Variants in PARD3 observed in about 807,000 individuals in gnomAD.
PARD3 encodes partitioning defective 3 homolog.
In PARD3, 75 loss-of-function variants were observed where a neutral mutation model predicts 155.4. That is an observed-to-expected ratio of 0.48 (90% CI 0.40 to 0.58). The LOEUF (loss-of-function observed/expected upper bound fraction) is 0.58. PARD3 is among the 20% of genes least tolerant of loss of function. The pLI is 0.00. For missense variants in PARD3, 1,642 were observed against 1,721.7 expected (o/e 0.95, Z 0.82); for synonymous variants, 576 against 610.5 (o/e 0.94, Z 0.83).
rs80170597 is a variant in PARD3 at position 34,700,446 on chromosome 10, G to A, written c.121-4027C>T. Among the ~76,000 whole-genome samples, 487 of 152,288 alleles carry A rather than the reference G, an allele frequency of 3.2e-3. 2 individuals carry two copies. Among genetic ancestry groups the A allele is most frequent in the African/African-American group, 0.011 (450 of 41,548 alleles). Reference sequence around the variant, plus strand: ...ATGACATGTATAATGCATAGGCTCCGCATATTACCCACATGTGCAAATTTC... The same window carrying A: ...ATGACATGTATAATGCATAGGCTCCACATATTACCCACATGTGCAAATTTC... On this transcript the variant is annotated intron_variant, in intron 1 of 24. Coordinates refer to ENST00000374788, the MANE Select transcript of PARD3 (RefSeq NM_001184785.2).
intron 2 of PARD3, among the ~76,000 whole-genome samples, chr10:34,595,648 G>GT (rs1333673704): frequency 1.3e-5 from 2 of 152,074 alleles, no homozygotes; most frequent in African/African-American, 4.8e-5. Flanking sequence ...AAAGAATAAA[G>GT]TTTCTGTATG....
rs551114975 is a variant in PARD3 at position 34,373,895 on chromosome 10, A to T, written c.1668+979T>A. ...AATATAGTTATTTTTATCATAACAC[A>T]TCCATACTTGAAGACACAAGAGAAT... is the stretch of plus-strand genomic sequence containing the variant. On this transcript the variant is annotated intron_variant, in intron 11 of 24. Transcript: ENST00000374788. Among the ~76,000 whole-genome samples the T allele has an allele frequency of 1.7e-3, 255 of 152,142 alleles. 1 individual carries two copies. Among genetic ancestry groups the T allele is most frequent in the Non-Finnish European group, 2.3e-3 (153 of 67,958 alleles).
intron 22 of PARD3, among the ~76,000 whole-genome samples, chr10:34,265,206 C>T (rs894422781): frequency 1.3e-5 from 2 of 152,182 alleles, no homozygotes; most frequent in Non-Finnish European, 2.9e-5. Context: ...CTATAGCCTA[C>T]AGTTCATGTT....
At chr10:34,442,277 T>A (rs1210154379) in intron 5 of PARD3, among the ~76,000 whole-genome samples, 1 of 152,180 alleles carries the variant, frequency 6.6e-6, no homozygotes, top group East Asian at 1.9e-4. Context: ...TCAGAATCTA[T>A]CCTTAAGTCT....
At chr10:34,611,074 C>T (rs1338049829) in intron 2 of PARD3, among the ~76,000 whole-genome samples, 1 of 152,106 alleles carries the variant, frequency 6.6e-6, no homozygotes, top group African/African-American at 2.4e-5. Flanking sequence ...AGAGTTGAAA[C>T]CGGTCTATGT....
chr10:34,657,521 A>AGTTTT (rs1158679958), intron 2 of PARD3, among the ~76,000 whole-genome samples: 2 of 138,088 alleles, frequency 1.4e-5, no homozygotes, highest in South Asian at 2.3e-4. Context: ...TCTGCTTCTC[A>AGTTTT]GTTTTGTTTT....
At position 34,801,362 on chromosome 10, in the gene PARD3, G is replaced by A. The variant is rs566048207; in HGVS notation, c.120+13514C>T. On this transcript the variant is annotated intron_variant, in intron 1 of 24. Coordinates refer to ENST00000374788, the MANE Select transcript of PARD3 (RefSeq NM_001184785.2). ...TTAGCGACTTCCCTAAATGCATATG[G>A]GGAGAGGGAAGAAGCATTACTTTAA... Among the ~76,000 whole-genome samples the A allele has an allele frequency of 3.9e-5, 6 of 152,286 alleles. No homozygotes were observed. In the East Asian group the frequency reaches 9.6e-4, roughly 24 times the overall value.
In PARD3 at chr10:34,430,575, T is replaced by A. The variant is rs115284132; in HGVS notation, c.714+19742A>T. ...GAACCATATTATTTTACATTATCTT[T>A]ACTGAAGTCCATGAAATCGGTTCTA... On this transcript the variant is annotated intron_variant, in intron 5 of 24. Transcript: ENST00000374788. Among the ~76,000 whole-genome samples the A allele has an allele frequency of 1.3e-3, 203 of 152,362 alleles. 1 individual carries two copies. Among genetic ancestry groups the A allele is most frequent in the African/African-American group, 4.5e-3 (188 of 41,586 alleles).
intron 20 of PARD3, among the ~76,000 whole-genome samples, chr10:34,301,868 G>C (rs1957169962): frequency 7.5e-6 from 1 of 133,090 alleles, no homozygotes; most frequent in Admixed American, 8.7e-5. Flanking sequence ...AAGTCCCCTA[G>C]AGTCTACCTG....
At position 34,119,576 on chromosome 10, in the gene PARD3, C is replaced by G. The variant is rs368091579; in HGVS notation, c.3668+37G>C. 3 of 1,568,064 alleles carry G rather than the reference C, an allele frequency of 1.9e-6. No individual in the cohort carries two copies. In the African/African-American group the frequency reaches 4.1e-5, roughly 21 times the overall value. ...TAAAGGGCGGGGGATCTTAAAGGGC[C>G]GGGGGGATCTGGAGGCTCGGCCAAG... is the stretch of plus-strand genomic sequence containing the variant. On this transcript the variant is annotated intron_variant, in intron 24 of 24. Coordinates refer to ENST00000374788, the MANE Select transcript of PARD3 (RefSeq NM_001184785.2).
chr10:34,420,850 C>A (rs1402806910), intron 5 of PARD3, among the ~76,000 whole-genome samples: 1 of 152,164 alleles, frequency 6.6e-6, no homozygotes, highest in African/African-American at 2.4e-5. Flanking sequence ...ATGTTCAGAA[C>A]AAAATTTAAT....
chr10:34,314,270 TGGAA>T (rs1427856050), intron 20 of PARD3, among the ~76,000 whole-genome samples: 1 of 151,832 alleles, frequency 6.6e-6, no homozygotes, highest in African/African-American at 2.4e-5. Flanking sequence ...CCAGAAGGTA[TGGAA>T]GGAAGGTAGT....
chr10:34,355,031 C>T (rs1480048170), intron 14 of PARD3, among the ~76,000 whole-genome samples: 4 of 152,052 alleles, frequency 2.6e-5, no homozygotes, highest in Admixed American at 6.5e-5. Context: ...AAGAGGGGAG[C>T]GGCTAAAGGA....
At chr10:34,275,563 T>C (rs1002330689) in intron 21 of PARD3, among the ~76,000 whole-genome samples, 4 of 152,240 alleles carry the variant, frequency 2.6e-5, no homozygotes, top group African/African-American at 9.6e-5. Flanking sequence ...GAATTTATTA[T>C]ATTCTTTGAT....
chr10:34,308,803 G>A (rs1476092695), intron 20 of PARD3, among the ~76,000 whole-genome samples: 1 of 152,136 alleles, frequency 6.6e-6, no homozygotes, highest in Non-Finnish European at 1.5e-5. Context: ...TCAAAATTCT[G>A]TGTTACCAAA....
intron 22 of PARD3, among the ~76,000 whole-genome samples, chr10:34,237,571 T>A (rs1564508537): frequency 6.6e-6 from 1 of 152,176 alleles, no homozygotes; most frequent in Non-Finnish European, 1.5e-5. Flanking sequence ...ATACAATATC[T>A]CAAACAGCTT....
At chr10:34,540,447 A>G (rs1019820806) in intron 2 of PARD3, among the ~76,000 whole-genome samples, 14 of 152,308 alleles carry the variant, frequency 9.2e-5, no homozygotes, top group African/African-American at 3.1e-4. Context: ...ATACAAAGAT[A>G]TAAGTATACA....
At chr10:34,466,836 T>C (rs948281185) in intron 4 of PARD3, among the ~76,000 whole-genome samples, 2 of 152,118 alleles carry the variant, frequency 1.3e-5, no homozygotes, top group Non-Finnish European at 1.5e-5. Flanking sequence ...CTAATCATAT[T>C]TATATATGAG....
chr10:34,183,695 G>A (rs146884166), intron 22 of PARD3, among the ~76,000 whole-genome samples: 12 of 152,280 alleles, frequency 7.9e-5, no homozygotes, highest in Non-Finnish European at 1.8e-4. Flanking sequence ...ATAACACACC[G>A]TCTCCTCCAG....
Sources: gnomAD v4.1 joint callset for allele counts (sites outside exome capture counted in the v4.1 genomes callset) on GRCh38, gnomAD v4.1.1 for gene constraint, MANE v1.5 for transcripts, NCBI Gene and HGNC (gene_info 2026-07-23, HGNC 2026-07-21) for gene names.